Variants in HSF5 observed in about 807,000 individuals in gnomAD.
HSF5 encodes heat shock factor protein 5.
In HSF5, 5 loss-of-function variants were observed where a neutral mutation model predicts 50.8. The observed-to-expected ratio is 0.10, with a 90% CI of 0.05 to 0.21. The LOEUF (loss-of-function observed/expected upper bound fraction) is 0.21, where lower values mean the gene tolerates loss of function less well. Among genes scored for constraint, HSF5 ranks in the 10% least tolerant of loss-of-function variants. The pLI is 1.00. For missense variants in HSF5, 564 were observed against 762.6 expected (o/e 0.74, Z 3.07); for synonymous variants, 307 against 307.4 (o/e 1.00, Z 0.02).
Position 58,458,780 on chromosome 17 carries a change from C to G in HSF5, c.1708G>C (p.Gly570Arg). The change falls in exon 5 of 6, where the codon GGA (glycine) becomes CGA (arginine). Residue 570 changes from glycine (G) to arginine (R), a missense_variant. Coordinates refer to ENST00000323777, the MANE Select transcript of HSF5 (RefSeq NM_001080439.3). The stretch of plus-strand genomic sequence containing the variant: ...CAATAATCCTTACCAGGGGACTTTC[C>G]TTGTTGTGAGTTGCTTCTGTGCTCT... ...YREHRSNSQQGKSPDLHLLVD... is the reference protein window; with the variant it reads ...YREHRSNSQQRKSPDLHLLVD... 5 of 1,611,314 alleles carry G rather than the reference C, an allele frequency of 3.1e-6. No homozygotes were observed. The highest frequency in any genetic ancestry group is 4.2e-6 in the Non-Finnish European group (5 of 1,179,082).
At chr17:58,467,034 T>C in intron 2 of HSF5, 55 bp from the exon 3 acceptor site, 5 of 1,100,738 alleles carry the variant, frequency 4.5e-6, no homozygotes, top group Non-Finnish European at 6.9e-6. Context: ...TTCTATAGCA[T>C]TCAAGGAGCT....
chr17:58,462,614 C>T (rs529347898), intron 4 of HSF5, among the ~76,000 whole-genome samples, 168 bp downstream of exon 4: 1 of 152,304 alleles, frequency 6.6e-6, no homozygotes, highest in East Asian at 1.9e-4. Flanking sequence ...AAGGTAACTT[C>T]TTTCTGAATC....
intron 5 of HSF5, among the ~76,000 whole-genome samples, chr17:58,447,202 C>T (rs1373617371): frequency 6.6e-6 from 1 of 152,198 alleles, no homozygotes; most frequent in Non-Finnish European, 1.5e-5. Flanking sequence ...AAACACAGCA[C>T]CTGGCAGAAC....
At chr17:58,473,603 C>T (rs1974975760) in intron 2 of HSF5, among the ~76,000 whole-genome samples, 1 of 152,026 alleles carries the variant, frequency 6.6e-6, no homozygotes, top group African/African-American at 2.4e-5. Flanking sequence ...TCTACAAAAT[C>T]TTGCCTTTGA....
At chr17:58,473,787 A>G (rs1191268418) in intron 2 of HSF5, among the ~76,000 whole-genome samples, 1 of 152,230 alleles carries the variant, frequency 6.6e-6, no homozygotes. Flanking sequence ...AAAGAAATTA[A>G]CAATTTATGA....
At chr17:58,475,864 T>C (rs1462068277) in intron 2 of HSF5, among the ~76,000 whole-genome samples, 1 of 152,122 alleles carries the variant, frequency 6.6e-6, no homozygotes. Context: ...GTTGATTCCA[T>C]ACAGTTTTTG....
At chr17:58,424,883 A>C (rs1336012458) in intron 5 of HSF5, among the ~76,000 whole-genome samples, 3 of 152,214 alleles carry the variant, frequency 2.0e-5, no homozygotes, top group African/African-American at 7.2e-5. Context: ...CAAAAAGACA[A>C]AAGACAAATA....
chr17:58,430,048 G>GT (rs1009872471), intron 5 of HSF5, among the ~76,000 whole-genome samples: 12 of 151,554 alleles, frequency 7.9e-5, no homozygotes, highest in South Asian at 4.2e-4. Flanking sequence ...CATTATCTTT[G>GT]TTTTTTTTAC....
chr17:58,459,986 C>T (rs1974769305), intron 4 of HSF5, among the ~76,000 whole-genome samples: 1 of 151,936 alleles, frequency 6.6e-6, no homozygotes, highest in African/African-American at 2.4e-5. Context: ...AGCTTTAGCC[C>T]CTATAAAATC....
chr17:58,475,672 T>A (rs1975002746), intron 2 of HSF5, among the ~76,000 whole-genome samples: 1 of 152,210 alleles, frequency 6.6e-6, no homozygotes, highest in African/African-American at 2.4e-5. Flanking sequence ...GATTTTGTTT[T>A]GTTTTGTTTT....
chr17:58,424,408 C>A (rs1288240796), intron 5 of HSF5, among the ~76,000 whole-genome samples: 1 of 151,870 alleles, frequency 6.6e-6, no homozygotes, highest in African/African-American at 2.4e-5. Flanking sequence ...GTCAGGAGAT[C>A]AAGACCATCC....
At chr17:58,470,865 G>A (rs867969288) in intron 2 of HSF5, among the ~76,000 whole-genome samples, 3 of 152,290 alleles carry the variant, frequency 2.0e-5, no homozygotes, top group Middle Eastern at 6.8e-3. Flanking sequence ...GGCAGAGGTT[G>A]CAGTCAGCCA....
rs191709222 is a variant in HSF5 at position 58,435,832 on chromosome 17, G to A, written c.1721-13402C>T. Among the ~76,000 whole-genome samples the A allele has an allele frequency of 8.2e-3, 1,219 of 148,276 alleles. 16 individuals carry two copies. Among genetic ancestry groups the A allele is most frequent in the African/African-American group, 0.028 (1,133 of 40,022 alleles). On this transcript the variant is annotated intron_variant, in intron 5 of 5. Transcript: ENST00000323777. ...GAGAATGGTGTGAACCTGGGAGGTG[G>A]AGCTTGTAGTGAGCCAAGATCACGC...
At chr17:58,436,304 A>G (rs913196680) in intron 5 of HSF5, among the ~76,000 whole-genome samples, 3 of 152,098 alleles carry the variant, frequency 2.0e-5, no homozygotes, top group African/African-American at 7.2e-5. Flanking sequence ...ATCATTTGCA[A>G]CTTCATGAAT....
chr17:58,450,918 G>C (rs549947372), intron 5 of HSF5, among the ~76,000 whole-genome samples: 6 of 151,398 alleles, frequency 4.0e-5, no homozygotes, highest in Admixed American at 1.3e-4. Context: ...GTGAAATCCT[G>C]TCTCTACTAA....
intron 2 of HSF5, among the ~76,000 whole-genome samples, chr17:58,467,674 T>C (rs532741658): frequency 2.0e-5 from 3 of 152,300 alleles, no homozygotes; most frequent in South Asian, 2.1e-4. Flanking sequence ...TGAGCTAATA[T>C]CCATAAAGAA....
chr17:58,422,078 G>C lies in HSF5; in HGVS notation c.*282C>G. On this transcript the variant is annotated 3_prime_UTR_variant, in exon 6 of 6. Coordinates refer to ENST00000323777, the MANE Select transcript of HSF5 (RefSeq NM_001080439.3). ...ATGGAGCAGTTTTTAGATGCTCCTT[G>C]ACTATAACAGAAGGTCAGAACTTTT... 1 of 331,998 alleles carries C rather than the reference G, an allele frequency of 3.0e-6. No homozygotes were observed. The highest frequency in any genetic ancestry group is 5.6e-6 in the Non-Finnish European group (1 of 178,518). 20.6% of individuals were successfully genotyped at this position (331,998 alleles called of 1,614,324 possible). A position where few individuals can be genotyped will look rare whatever the true frequency, so the allele number is the denominator to read the frequency against.
intron 4 of HSF5, 64 bp from the exon 5 acceptor site, chr17:58,459,009 T>C: frequency 7.0e-7 from 1 of 1,436,528 alleles, no homozygotes; most frequent in Non-Finnish European, 9.5e-7. Context: ...AGTTAAGATA[T>C]TTTATCAGAG....
chr17:58,422,758 C>T (rs543938083), intron 5 of HSF5, among the ~76,000 whole-genome samples: 21 of 148,552 alleles, frequency 1.4e-4, no homozygotes, highest in African/African-American at 5.0e-4. Context: ...TACGGCGGCA[C>T]AATCTCGGCT....
Sources: allele counts gnomAD v4.1 joint callset (sites outside exome capture counted in the v4.1 genomes callset), GRCh38; gene constraint gnomAD v4.1.1; transcripts MANE v1.5; gene names NCBI Gene and HGNC (gene_info 2026-07-23, HGNC 2026-07-21).